The following WWTR1 variants were observed in gnomAD, a reference collection of about 807,000 sequenced individuals.
WWTR1 encodes WW domain containing transcription regulator 1.
Under a neutral mutation model 40.1 loss-of-function variants are expected in WWTR1, and 13 were observed. The observed-to-expected ratio is 0.32, with a 90% CI of 0.21 to 0.52. WWTR1 has a LOEUF of 0.52. Ranked by LOEUF, WWTR1 falls within the 20% of genes least tolerant of loss-of-function variation. The pLI is 0.97. For synonymous variants in WWTR1, 230 were observed against 210.1 expected (o/e 1.09, Z -0.82); for missense variants, 436 against 523.1 (o/e 0.83, Z 1.63).
At chr3:149,694,572 G>T (rs955157459) in intron 1 of WWTR1, among the ~76,000 whole-genome samples, 4 of 152,172 alleles carry the variant, frequency 2.6e-5, no homozygotes, top group Admixed American at 1.3e-4. Context: ...GCCTGAAAAG[G>T]TGTTCAACAT....
intron 2 of WWTR1, among the ~76,000 whole-genome samples, chr3:149,582,868 GTCTT>G (rs1199902190): frequency 6.6e-6 from 1 of 152,178 alleles, no homozygotes; most frequent in Admixed American, 6.5e-5. Flanking sequence ...ACTTGGTAGA[GTCTT>G]TATTTCACTT....
intron 2 of WWTR1, among the ~76,000 whole-genome samples, chr3:149,655,115 G>A (rs1022081913): frequency 6.7e-6 from 1 of 148,542 alleles, no homozygotes; most frequent in Non-Finnish European, 1.5e-5. Flanking sequence ...GACAGAGCGA[G>A]ACTCCATCTA....
chr3:149,673,540 G>A (rs1049460676), intron 1 of WWTR1, among the ~76,000 whole-genome samples: 2 of 152,188 alleles, frequency 1.3e-5, no homozygotes, highest in African/African-American at 4.8e-5. Context: ...TTTGGTATGT[G>A]CTTGGTATGG....
chr3:149,568,911 C>T (rs957302605), intron 3 of WWTR1, among the ~76,000 whole-genome samples: 6 of 152,140 alleles, frequency 3.9e-5, no homozygotes, highest in Non-Finnish European at 7.4e-5. Context: ...GGACTACAGG[C>T]GCCCGCCACC....
chr3:149,570,260 T>C (rs545943942), intron 3 of WWTR1, among the ~76,000 whole-genome samples: 3 of 152,256 alleles, frequency 2.0e-5, no homozygotes, highest in Non-Finnish European at 2.9e-5. Flanking sequence ...CTTGAGAAAT[T>C]CACTGCCTTA....
chr3:149,585,073 G>A (rs947744610), intron 2 of WWTR1, among the ~76,000 whole-genome samples: 2 of 151,558 alleles, frequency 1.3e-5, no homozygotes, highest in African/African-American at 4.9e-5. Flanking sequence ...GAGAAATAAT[G>A]GTAGACATCA....
intron 1 of WWTR1, among the ~76,000 whole-genome samples, chr3:149,675,442 A>C (rs1440498375): frequency 6.6e-6 from 1 of 152,208 alleles, no homozygotes; most frequent in Non-Finnish European, 1.5e-5. Context: ...GCTGGCCTGA[A>C]GATGAAGATG....
intron 4 of WWTR1, among the ~76,000 whole-genome samples, chr3:149,719,279 T>G (rs886324613): frequency 3.9e-5 from 6 of 152,106 alleles, no homozygotes; most frequent in African/African-American, 1.4e-4. Context: ...CAAGTGATTC[T>G]TGGGCCTCAG....
At chr3:149,576,367 A>G (rs1200635824) in intron 2 of WWTR1, 10 of 291,906 alleles carry the variant, frequency 3.4e-5, no homozygotes, top group Non-Finnish European at 6.8e-5. Context: ...TACGCCATTC[A>G]CTCTTTCACT....
At chr3:149,562,182 C>G (rs1737112959) in intron 3 of WWTR1, among the ~76,000 whole-genome samples, 1 of 151,846 alleles carries the variant, frequency 6.6e-6, no homozygotes, top group African/African-American at 2.4e-5. Flanking sequence ...GTAGTCCCAG[C>G]TACTCAGGAG....
exon 5 of WWTR1, chr3:149,717,466 A>T (rs951798105): frequency 6.6e-6 from 1 of 152,194 alleles, no homozygotes; most frequent in Non-Finnish European, 1.5e-5. Flanking sequence ...GGGTGTGTTG[A>T]ACCACACCAT....
intron 4 of WWTR1, among the ~76,000 whole-genome samples, chr3:149,723,265 C>T (rs1715802646): frequency 6.7e-6 from 1 of 149,802 alleles, no homozygotes; most frequent in Non-Finnish European, 1.5e-5. Flanking sequence ...CTCGGCTCAC[C>T]ACAACCTCTG....
intron 3 of WWTR1, among the ~76,000 whole-genome samples, chr3:149,542,959 A>G (rs1409927024): frequency 1.3e-5 from 2 of 152,206 alleles, no homozygotes; most frequent in Non-Finnish European, 2.9e-5. Context: ...TAAGGAGGGC[A>G]TGTGATCTTT....
Position 149,639,943 on chromosome 3 carries a change from G to A in WWTR1, c.431+16933C>T, listed in dbSNP as rs373920598. On this transcript the variant is annotated intron_variant, in intron 2 of 6. Transcript: ENST00000360632. ...TGGGAGGTGGAGCTTGCAGTGAGCC[G>A]AGATTGTGCCACTGCACTCCAGCCT... Among the ~76,000 whole-genome samples, 5 of 140,252 alleles carry A rather than the reference G, an allele frequency of 3.6e-5. No individual in the cohort carries two copies. The East Asian group carries it at 6.4e-4, about 18-fold the overall frequency. The allele number at this position is 140,252 out of a possible 152,430, so 92.0% of individuals were successfully genotyped here. A position where few individuals can be genotyped will look rare whatever the true frequency, so the allele number is the denominator to read the frequency against.
chr3:149,612,376 GAAAA>G (rs1401313991), intron 2 of WWTR1, among the ~76,000 whole-genome samples: 1 of 132,674 alleles, frequency 7.5e-6, no homozygotes, highest in Non-Finnish European at 1.6e-5. Flanking sequence ...GAGGGGAAAA[GAAAA>G]AAAAAAAAAC....
chr3:149,665,764 A>G (rs181914697), intron 2 of WWTR1, among the ~76,000 whole-genome samples: 1 of 152,330 alleles, frequency 6.6e-6, no homozygotes, highest in Admixed American at 6.5e-5. Flanking sequence ...TGCTAAAATT[A>G]TATTAAAAAC....
intron 2 of WWTR1, among the ~76,000 whole-genome samples, chr3:149,654,672 AT>A (rs902383769): frequency 2.0e-5 from 3 of 152,106 alleles, no homozygotes; most frequent in African/African-American, 7.2e-5. Context: ...GTATAAAGGA[AT>A]TTTTTTGTTT....
At chr3:149,605,697 C>T (rs1308525683) in intron 2 of WWTR1, among the ~76,000 whole-genome samples, 1 of 152,120 alleles carries the variant, frequency 6.6e-6, no homozygotes, top group African/African-American at 2.4e-5. Flanking sequence ...CATACAGTTG[C>T]TGAAACATTT....
At chr3:149,531,908 T>G (rs1358037211) in intron 4 of WWTR1, among the ~76,000 whole-genome samples, 1 of 152,130 alleles carries the variant, frequency 6.6e-6, no homozygotes, top group Non-Finnish European at 1.5e-5. Flanking sequence ...CAATCTCACC[T>G]CAGCCACAAA....
Sources: allele counts gnomAD v4.1 joint callset (sites outside exome capture counted in the v4.1 genomes callset), GRCh38; gene constraint gnomAD v4.1.1; transcripts MANE v1.5; gene names NCBI Gene and HGNC (gene_info 2026-07-23, HGNC 2026-07-21).